FMN1: variants seen among roughly 807,000 people sequenced by gnomAD.
The protein encoded by FMN1 is formin 1.
FMN1 carries 110 observed loss-of-function variants against 132.4 expected under a neutral mutation model. The ratio of observed to expected loss-of-function variants is 0.83; its 90% confidence interval spans 0.71 to 0.97. The LOEUF (loss-of-function observed/expected upper bound fraction) is 0.97. Ranked by LOEUF, FMN1 falls within the 50% of genes least tolerant of loss-of-function variation. The pLI, the probability that FMN1 is intolerant of heterozygous loss-of-function variation, is 0.00. For missense variants in FMN1, 1,792 were observed against 1,705.3 expected (o/e 1.05, Z -0.90); for synonymous variants, 722 against 651.7 (o/e 1.11, Z -1.64).
chr15:33,113,198 T>C (rs1566926766), intron 4 of FMN1, among the ~76,000 whole-genome samples: 1 of 152,278 alleles, frequency 6.6e-6, no homozygotes, highest in Admixed American at 6.5e-5. Context: ...TGATCATTTG[T>C]TAGGGGGTTG....
At position 32,981,950 on chromosome 15, in the gene FMN1, C is replaced by T. The variant is rs374337698; in HGVS notation, c.2224-12473G>A. On this transcript the variant is annotated intron_variant, in intron 7 of 20. Coordinates refer to ENST00000616417, the MANE Select transcript of FMN1 (RefSeq NM_001277313.2). ...TTTCTGTTTGTTGCAAGTCTCTAAG[C>T]CACACAGGGAAAAAATGTTGGAAAA... Among the ~76,000 whole-genome samples the T allele has an allele frequency of 2.6e-5, 4 of 151,986 alleles. No homozygotes were observed. In the South Asian group the frequency reaches 6.2e-4, roughly 24 times the overall value.
intron 19 of FMN1, among the ~76,000 whole-genome samples, chr15:32,798,304 G>C (rs1036866105): frequency 6.6e-6 from 1 of 152,088 alleles, no homozygotes; most frequent in Non-Finnish European, 1.5e-5. Context: ...CACGCAGTTT[G>C]ATGTCCGCAG....
chr15:33,154,365 C>T lies in FMN1; in HGVS notation c.550G>A (p.Gly184Ser). ...QKRTKRKGRG[G>S]RESAPLMGKD... ...CCCATCAGAGGAGCTGATTCTCGGC[C>T]TCCACGCCCTTTTCTTTTGGTCCTC... Residue 184 changes from glycine to serine, a missense_variant, in exon 4 of 21, where the codon GGC becomes AGC. Gly to Ser is a moderately conservative substitution (Grantham distance 56, BLOSUM62 0). Around this residue, in one of 3 missense-constraint regions of FMN1, gnomAD observed 638 missense variants for 645.2 expected, o/e 0.99. Coordinates refer to ENST00000616417, the MANE Select transcript of FMN1 (RefSeq NM_001277313.2). 2 of 1,536,180 alleles carry T rather than the reference C, an allele frequency of 1.3e-6. No individual in the cohort carries two copies. Among genetic ancestry groups the T allele is most frequent in the Non-Finnish European group, 1.7e-6 (2 of 1,146,926 alleles).
chr15:32,814,875 A>C (rs1489195969), intron 17 of FMN1, among the ~76,000 whole-genome samples: 2 of 152,176 alleles, frequency 1.3e-5, no homozygotes, highest in African/African-American at 2.4e-5. Context: ...GAATGTCCAC[A>C]AAAGTGTGAA....
chr15:32,847,120 C>G (rs1028072193), intron 17 of FMN1, among the ~76,000 whole-genome samples: 1 of 152,172 alleles, frequency 6.6e-6, no homozygotes, highest in African/African-American at 2.4e-5. Flanking sequence ...GGAGATTACC[C>G]AATAACACCA....
At chr15:32,814,887 T>C (rs2058003687) in intron 17 of FMN1, among the ~76,000 whole-genome samples, 1 of 152,300 alleles carries the variant, frequency 6.6e-6, no homozygotes, top group Middle Eastern at 3.4e-3. Flanking sequence ...AAGTGTGAAT[T>C]TGTAGCAGGT....
intron 16 of FMN1, among the ~76,000 whole-genome samples, chr15:32,870,886 A>G (rs1027289306): frequency 3.3e-5 from 5 of 152,266 alleles, no homozygotes; most frequent in Non-Finnish European, 7.3e-5. Context: ...TTAGAAATGC[A>G]TATGTATTCG....
At chr15:32,800,819 G>A (rs377070226) in intron 18 of FMN1, among the ~76,000 whole-genome samples, 3 of 152,134 alleles carry the variant, frequency 2.0e-5, no homozygotes, top group South Asian at 2.1e-4. Flanking sequence ...CAAAATAGTC[G>A]TTCTACCCCA....
intron 17 of FMN1, among the ~76,000 whole-genome samples, chr15:32,814,761 G>T (rs548508817): frequency 6.6e-6 from 1 of 152,220 alleles, no homozygotes; most frequent in African/African-American, 2.4e-5. Context: ...GAAAGGCATG[G>T]ACTACGGCCT....
chr15:32,796,273 T>C (rs1310406694), intron 19 of FMN1, among the ~76,000 whole-genome samples: 1 of 152,248 alleles, frequency 6.6e-6, no homozygotes, highest in East Asian at 1.9e-4. Context: ...AACAGTGTTT[T>C]CCATGAAACC....
At chr15:33,161,842 C>T (rs181905196) in intron 3 of FMN1, among the ~76,000 whole-genome samples, 19 of 151,776 alleles carry the variant, frequency 1.3e-4, no homozygotes, top group African/African-American at 4.1e-4. Flanking sequence ...GGCGTGAACC[C>T]GGGAGGTGGA....
intron 4 of FMN1, among the ~76,000 whole-genome samples, chr15:33,092,491 C>T (rs2038938503): frequency 6.6e-6 from 1 of 152,128 alleles, no homozygotes; most frequent in African/African-American, 2.4e-5. Context: ...CCAATTAAGG[C>T]TGTAAGACGC....
intron 6 of FMN1, chr15:33,012,042 G>A (rs1455979804): frequency 3.2e-6 from 1 of 307,904 alleles, no homozygotes; most frequent in Non-Finnish European, 6.2e-6. Flanking sequence ...GCATACATAA[G>A]TAACAAAACT....
At chr15:33,145,751 C>T (rs1282287930) in intron 4 of FMN1, among the ~76,000 whole-genome samples, 2 of 151,624 alleles carry the variant, frequency 1.3e-5, no homozygotes, top group African/African-American at 2.4e-5. Context: ...AAGTCTGAAT[C>T]CTAGGGAGAA....
chr15:32,962,612 C>A (rs2030701952), intron 9 of FMN1, among the ~76,000 whole-genome samples: 2 of 151,130 alleles, frequency 1.3e-5, no homozygotes, highest in African/African-American at 4.9e-5. Context: ...GGGCTAATAT[C>A]CAGAATCTAC....
At chr15:33,100,705 C>G (rs10519790) in intron 4 of FMN1, among the ~76,000 whole-genome samples, 13,016 of 152,230 alleles carry the variant, frequency 0.086, 727 homozygotes, top group Middle Eastern at 0.13. Flanking sequence ...TTGTGTGAAT[C>G]TATCCTTCTG....
At chr15:32,820,231 C>A (rs148050938) in intron 17 of FMN1, among the ~76,000 whole-genome samples, 1 of 152,150 alleles carries the variant, frequency 6.6e-6, no homozygotes, top group East Asian at 1.9e-4. Context: ...CTAAAAACTC[C>A]CTCTACTATA....
chr15:32,790,829 G>C (rs1222410986), intron 19 of FMN1, among the ~76,000 whole-genome samples: 1 of 152,192 alleles, frequency 6.6e-6, no homozygotes, highest in Non-Finnish European at 1.5e-5. Flanking sequence ...ACACAGCAAA[G>C]AACAGGCTTG....
intron 7 of FMN1, among the ~76,000 whole-genome samples, chr15:32,988,550 T>C (rs147278797): frequency 6.6e-6 from 1 of 152,186 alleles, no homozygotes; most frequent in African/African-American, 2.4e-5. Context: ...GTCAACACTT[T>C]ATCTTTGGCA....
Sources: gnomAD v4.1 joint callset for allele counts (sites outside exome capture counted in the v4.1 genomes callset) on GRCh38, gnomAD v4.1.1 for gene constraint, gnomAD v4.1.1 regional missense constraint, MANE v1.5 for transcripts, NCBI Gene and HGNC (gene_info 2026-07-23, HGNC 2026-07-21) for gene names.